ABCA5: variants seen among roughly 807,000 people sequenced by gnomAD.
The protein encoded by ABCA5 is cholesterol transporter ABCA5.
Under a neutral mutation model 206.0 loss-of-function variants are expected in ABCA5, and 163 were observed. The ratio of observed to expected loss-of-function variants is 0.79; its 90% CI spans 0.70 to 0.90. ABCA5 has a LOEUF of 0.90. ABCA5 is among the 40% of genes least tolerant of loss of function. ABCA5 has a pLI of 0.00. For missense variants in ABCA5, 1,859 were observed against 1,912.9 expected, an observed-to-expected ratio of 0.97 and a Z score of 0.53; for synonymous variants, 609 against 613.8, an observed-to-expected ratio of 0.99 and a Z score of 0.11.
intron 13 of ABCA5, 38 bp downstream of exon 13, chr17:69,289,824 A>G (rs766764268): frequency 5.4e-6 from 8 of 1,477,164 alleles, no homozygotes; most frequent in Non-Finnish European, 1.8e-6. Context: ...TATTGATTAC[A>G]GGAAATAAAA....
intron 7 of ABCA5, 28 bp from the exon 8 acceptor site, chr17:69,302,934 G>A (rs201448167): frequency 7.6e-4 from 1,004 of 1,322,198 alleles, no homozygotes; most frequent in Non-Finnish European, 9.5e-4. Context: ...TAAGGTTAGT[G>A]CAATGTTCAT....
chr17:69,263,332 A>G (rs2075169918), intron 24 of ABCA5, among the ~76,000 whole-genome samples: 1 of 152,116 alleles, frequency 6.6e-6, no homozygotes, highest in Non-Finnish European at 1.5e-5. Context: ...GGTATTTCCT[A>G]TGTTTTCTTG....
chr17:69,314,474 G>A (rs1403277801), intron 1 of ABCA5, 44 bp from the exon 2 acceptor site: 5 of 1,186,970 alleles, frequency 4.2e-6, no homozygotes, highest in Non-Finnish European at 6.2e-6. Flanking sequence ...GAGCCACGCA[G>A]TAAACTGCAT....
chr17:69,322,686 AT>A (rs2145057495), intron 1 of ABCA5, among the ~76,000 whole-genome samples: 1 of 152,002 alleles, frequency 6.6e-6, no homozygotes, highest in African/African-American at 2.4e-5. Context: ...TCCTTCAAAT[AT>A]TTTCAGCTAG....
Position 69,264,888 on chromosome 17 carries a change from T to C in ABCA5, c.3162A>G (p.Gln1054=), listed in dbSNP as rs150542090. The C allele has an allele frequency of 8.0e-5, 124 of 1,551,864 alleles. No homozygotes were observed. The highest frequency in any genetic ancestry group is 9.1e-5 in the Non-Finnish European group (105 of 1,153,824). The part of the protein sequence containing the change: ...AENHKIKAYT[Q]LKLSGLLPSA... The stretch of plus-strand genomic sequence containing the variant: ...ATGGCAAAAGACCTGAAAGTTTAAG[T>C]TGAGTATAAGCTTTGATCTAAAAAA... The change falls in exon 24 of 39, where the codon CAA becomes CAG. Residue 1054 remains glutamine, a synonymous_variant. Coordinates refer to ENST00000392676, the MANE Select transcript of ABCA5 (RefSeq NM_172232.4).
intron 18 of ABCA5, among the ~76,000 whole-genome samples, chr17:69,282,703 C>T (rs1223895434): frequency 3.5e-5 from 5 of 142,408 alleles, no homozygotes; most frequent in African/African-American, 7.8e-5. Context: ...ACTTGGGAGG[C>T]GGAGGTTGCA....
intron 31 of ABCA5, 33 bp downstream of exon 31, chr17:69,255,510 A>G: frequency 1.6e-6 from 2 of 1,264,336 alleles, no homozygotes; most frequent in South Asian, 2.2e-5. Flanking sequence ...TATAAATCAC[A>G]TTCAACATAT....
At position 69,301,196 on chromosome 17, in the gene ABCA5, T is replaced by A. The variant is rs750991807; in HGVS notation, c.1210A>T (p.Thr404Ser). Residue 404 changes from threonine (T) to serine (S), a missense_variant, in exon 9 of 39, where the codon ACA becomes TCA. By Grantham distance (58) the Thr-to-Ser change is moderately conservative. Transcript: ENST00000392676. ...YPLIITIIML[T>S]LNSIFYVLLA... ...AGGACATAGAATATACTATTAAGTG[T>A]GAGCATGATAATTGTAATAATTAGA... The A allele has an allele frequency of 5.6e-6, 9 of 1,601,166 alleles. No homozygotes were observed. The highest frequency in any genetic ancestry group is 7.7e-6 in the Non-Finnish European group (9 of 1,176,236).
chr17:69,274,800 AG>A (rs1242582977), intron 19 of ABCA5, among the ~76,000 whole-genome samples: 3 of 149,848 alleles, frequency 2.0e-5, no homozygotes, highest in Non-Finnish European at 4.4e-5. Flanking sequence ...CTACTCCTGA[AG>A]GAATTACTTC....
chr17:69,294,478 C>T (rs1010382333), intron 11 of ABCA5, among the ~76,000 whole-genome samples, 177 bp downstream of exon 11: 6 of 152,044 alleles, frequency 3.9e-5, no homozygotes, highest in African/African-American at 4.8e-5. Context: ...GCCAAGAGAA[C>T]GCCACTGCAC....
chr17:69,302,508 T>G (rs557908992), intron 8 of ABCA5, among the ~76,000 whole-genome samples: 5 of 152,280 alleles, frequency 3.3e-5, no homozygotes, highest in African/African-American at 4.8e-5. Flanking sequence ...AGTAAAAAAT[T>G]TATAAACAGA....
At chr17:69,276,510 T>G (rs189797849) in intron 19 of ABCA5, among the ~76,000 whole-genome samples, 155 of 152,306 alleles carry the variant, frequency 1.0e-3, no homozygotes, top group African/African-American at 3.5e-3. Flanking sequence ...TGAAGGTACA[T>G]GGATGAAGCT....
chr17:69,251,536 T>G (rs1192980672), intron 35 of ABCA5: 1 of 565,182 alleles, frequency 1.8e-6, no homozygotes, highest in African/African-American at 1.9e-5. Flanking sequence ...TATTCCAAGT[T>G]ATTGAAATAT....
intron 1 of ABCA5, among the ~76,000 whole-genome samples, chr17:69,325,185 T>G (rs1334971684): frequency 1.3e-5 from 2 of 148,754 alleles, no homozygotes; most frequent in Non-Finnish European, 3.0e-5. Context: ...GGCACACAAC[T>G]GTGGTCCCAG....
In ABCA5 at chr17:69,322,583, G is replaced by C. The variant is rs143152681; in HGVS notation, c.-16+4469C>G. ...AGGTAGTTCTACTATTATACCTACTGCCTTTGTTAAAAGCAGTGCTTTCCT... is the reference window on the plus strand; with the variant it reads ...AGGTAGTTCTACTATTATACCTACTCCCTTTGTTAAAAGCAGTGCTTTCCT... On this transcript the variant is annotated intron_variant, in intron 1 of 38. Transcript: ENST00000392676. 4.8e-3 allele frequency among the ~76,000 whole-genome samples: 731 copies of C among 151,980 alleles called. 5 individuals carry two copies. The highest frequency in any genetic ancestry group is 0.017 in the African/African-American group (688 of 41,412).
intron 23 of ABCA5, 64 bp from the exon 24 acceptor site, chr17:69,264,969 G>A: frequency 9.0e-7 from 1 of 1,110,162 alleles, no homozygotes; most frequent in Admixed American, 3.2e-5. Context: ...AAATAAATTA[G>A]TAAATTATTG....
rs2075472956 is a variant in ABCA5 at position 69,287,644 on chromosome 17, A to G, written c.2010T>C (p.Thr670=). The G allele has an allele frequency of 6.2e-7, 1 of 1,612,768 alleles. No individual in the cohort carries two copies. Among genetic ancestry groups the G allele is most frequent in the Non-Finnish European group, 8.5e-7 (1 of 1,179,418 alleles). ...GAATGTCAGCTTCATCCATGAAATG[A>G]GTACTGAACACTGTCACCCGATTGG... The part of the protein sequence containing the change: ...RKANRVTVFS[T]HFMDEADILA... The change falls in exon 15 of 39, where the codon ACT becomes ACC. Residue 670 remains threonine, a synonymous_variant. Transcript: ENST00000392676.
chr17:69,303,520 A>G (rs1177352903), intron 7 of ABCA5, among the ~76,000 whole-genome samples: 1 of 151,466 alleles, frequency 6.6e-6, no homozygotes, highest in African/African-American at 2.4e-5. Flanking sequence ...TTCTGCAGTA[A>G]GATGCATAAA....
rs1048721252 is a variant in ABCA5, at chr17:69,283,993, T to C, written c.2352A>G (p.Val784=). The change falls in exon 18 of 39, where the codon GTA becomes GTG. Residue 784 remains valine (V), a synonymous_variant. Coordinates refer to ENST00000392676, the MANE Select transcript of ABCA5 (RefSeq NM_172232.4). The part of the protein sequence containing the change: ...YGVSMTTLED[V]FLKLEVEAEI... The stretch of plus-strand genomic sequence containing the variant: ...CTGCTTCAACTTCTAGCTTTAAAAA[T>C]ACGTCTTCCAAAGTCGTCATGGAAA... 6.2e-7 allele frequency: 1 copy of C among 1,607,864 alleles called. No individual in the cohort carries two copies. Among genetic ancestry groups the C allele is most frequent in the Admixed American group, 1.7e-5 (1 of 59,070 alleles).
Sources: gnomAD v4.1 joint callset for allele counts (sites outside exome capture counted in the v4.1 genomes callset) on GRCh38, gnomAD v4.1.1 for gene constraint, MANE v1.5 for transcripts, NCBI Gene and HGNC (gene_info 2026-07-23, HGNC 2026-07-21) for gene names.